NELL1: variants seen among roughly 807,000 people sequenced by gnomAD.
NELL1 encodes protein kinase C-binding protein NELL1.
NELL1 carries 76 observed loss-of-function variants against 107.4 expected under a neutral mutation model. That is an observed-to-expected ratio of 0.71 (90% CI 0.59 to 0.86). The LOEUF (loss-of-function observed/expected upper bound fraction) is 0.86. Ranked by LOEUF, NELL1 falls within the 40% of genes least tolerant of loss-of-function variation. The probability of loss-of-function intolerance (pLI) is 0.00; values close to 1 mark genes in which losing one functional copy is unlikely to be tolerated. For missense variants in NELL1, 1,024 were observed against 1,005.5 expected, an observed-to-expected ratio of 1.02 and a Z score of -0.25; for synonymous variants, 353 against 341.2, an observed-to-expected ratio of 1.03 and a Z score of -0.38.
intron 15 of NELL1, among the ~76,000 whole-genome samples, chr11:21,379,245 T>C (rs975556000): frequency 1.3e-5 from 2 of 152,058 alleles, no homozygotes; most frequent in Non-Finnish European, 1.5e-5. Context: ...GACTGAGAAC[T>C]GGACACAACT....
chr11:20,800,871 T>G (rs1207428077), intron 3 of NELL1, among the ~76,000 whole-genome samples: 1 of 152,228 alleles, frequency 6.6e-6, no homozygotes, highest in East Asian at 1.9e-4. Flanking sequence ...AGTGACTAAA[T>G]GTTGAAACTG....
At chr11:20,789,966 G>A (rs1171553775) in intron 3 of NELL1, among the ~76,000 whole-genome samples, 1 of 152,218 alleles carries the variant, frequency 6.6e-6, no homozygotes, top group Non-Finnish European at 1.5e-5. Flanking sequence ...CCTCTCTGCA[G>A]CTGGTCCTTC....
chr11:20,948,204 C>G (rs993897751), intron 11 of NELL1, among the ~76,000 whole-genome samples: 6 of 151,806 alleles, frequency 4.0e-5, no homozygotes. Flanking sequence ...ACCATCACAC[C>G]CAACTAATTT....
intron 5 of NELL1, among the ~76,000 whole-genome samples, chr11:20,890,200 G>T (rs540175030): frequency 6.6e-6 from 1 of 152,074 alleles, no homozygotes; most frequent in African/African-American, 2.4e-5. Context: ...TCCAGGCATG[G>T]GAGTGAAGCA....
intron 2 of NELL1, among the ~76,000 whole-genome samples, chr11:20,768,708 A>C (rs1455280305): frequency 6.6e-6 from 1 of 152,162 alleles, no homozygotes; most frequent in African/African-American, 2.4e-5. Context: ...AAGCAGAGAG[A>C]GATCATAAGA....
At chr11:20,947,708 T>C (rs1224568079) in intron 11 of NELL1, among the ~76,000 whole-genome samples, 7 of 152,198 alleles carry the variant, frequency 4.6e-5, no homozygotes, top group Non-Finnish European at 1.0e-4. Flanking sequence ...TGACAAATGT[T>C]CAATAAATGA....
At chr11:21,329,289 C>A (rs1342655874) in intron 14 of NELL1, among the ~76,000 whole-genome samples, 1 of 151,830 alleles carries the variant, frequency 6.6e-6, no homozygotes, top group East Asian at 1.9e-4. Context: ...GGGCTTTTCC[C>A]CCTTTTGCTC....
In NELL1 at chr11:21,041,282, G is replaced by A. The variant is rs576928204; in HGVS notation, c.1301-72307G>A. On this transcript the variant is annotated intron_variant, in intron 12 of 19. Transcript: ENST00000357134. Reference sequence around the variant, plus strand: ...TCAATAAGGTAATGCCTTACCTTGCGTAGTCGCTTTGAGTTAACACAACAT... The same window carrying A: ...TCAATAAGGTAATGCCTTACCTTGCATAGTCGCTTTGAGTTAACACAACAT... 9.2e-5 allele frequency among the ~76,000 whole-genome samples: 14 copies of A among 152,208 alleles called. No homozygotes were observed. The South Asian group carries it at 2.5e-3, about 27-fold the overall frequency.
chr11:21,128,904 C>T (rs1233396037), intron 13 of NELL1, among the ~76,000 whole-genome samples: 1 of 152,174 alleles, frequency 6.6e-6, no homozygotes. Flanking sequence ...AGGAGGGATA[C>T]CAGAGACTAG....
chr11:21,456,034 G>A (rs1311222528), intron 15 of NELL1, among the ~76,000 whole-genome samples: 3 of 151,762 alleles, frequency 2.0e-5, no homozygotes, highest in Admixed American at 2.0e-4. Flanking sequence ...TGGGACTACA[G>A]GCACGTGCCA....
At position 21,405,701 on chromosome 11, in the gene NELL1, A is replaced by C. The variant is rs553428151; in HGVS notation, c.1645+34753A>C. ...AAACTCTAGCTCCACATGCTGCTTT[A>C]AAATTGATTTCTCAATGTGTTGAAA... On this transcript the variant is annotated intron_variant, in intron 15 of 19. Transcript: ENST00000357134. Among the ~76,000 whole-genome samples, 95 of 152,150 alleles carry C rather than the reference A, an allele frequency of 6.2e-4. 2 individuals carry two copies. The South Asian group carries it at 0.019, about 30-fold the overall frequency.
chr11:20,700,820 C>T (rs1265902488), intron 2 of NELL1, among the ~76,000 whole-genome samples: 1 of 149,332 alleles, frequency 6.7e-6, no homozygotes, highest in Admixed American at 7.0e-5. Context: ...CATCCATGTC[C>T]CTACAAAGGA....
chr11:21,367,659 T>A (rs888578811), intron 14 of NELL1, among the ~76,000 whole-genome samples: 3 of 152,240 alleles, frequency 2.0e-5, no homozygotes, highest in African/African-American at 7.2e-5. Context: ...CTGTGCCTTA[T>A]GCTGTGTGGG....
intron 5 of NELL1, among the ~76,000 whole-genome samples, chr11:20,889,985 C>G (rs10833407): frequency 2.0e-5 from 3 of 151,942 alleles, no homozygotes; most frequent in Non-Finnish European, 4.4e-5. Context: ...GCAAAGCACA[C>G]CCGCTCCACC....
chr11:20,725,863 G>C (rs1276666572), intron 2 of NELL1, among the ~76,000 whole-genome samples: 3 of 152,136 alleles, frequency 2.0e-5, no homozygotes, highest in African/African-American at 7.2e-5. Flanking sequence ...CAAGTAGTGA[G>C]CATAGTACCC....
intron 13 of NELL1, among the ~76,000 whole-genome samples, chr11:21,197,543 T>A (rs114162470): frequency 3.9e-5 from 6 of 152,094 alleles, no homozygotes; most frequent in Admixed American, 1.3e-4. Context: ...CTTTTGACAG[T>A]GCTATCAACA....
chr11:21,296,135 A>G (rs1849370662), intron 14 of NELL1, among the ~76,000 whole-genome samples: 1 of 152,166 alleles, frequency 6.6e-6, no homozygotes, highest in Non-Finnish European at 1.5e-5. Flanking sequence ...TCCCTCATAA[A>G]AAGGAAATGC....
intron 12 of NELL1, among the ~76,000 whole-genome samples, chr11:21,024,531 A>G (rs1370238899): frequency 6.6e-6 from 1 of 152,074 alleles, no homozygotes; most frequent in Non-Finnish European, 1.5e-5. Flanking sequence ...AGTAATATCT[A>G]TCTTAAAGGA....
At chr11:21,113,804 T>C (rs1365802101) in intron 13 of NELL1, 90 bp downstream of exon 13, 1 of 1,333,182 alleles carries the variant, frequency 7.5e-7, no homozygotes, top group Non-Finnish European at 1.0e-6. Flanking sequence ...GTGCACAAAG[T>C]ACTATTTTTA....
Sources: allele counts gnomAD v4.1 joint callset (sites outside exome capture counted in the v4.1 genomes callset), GRCh38; gene constraint gnomAD v4.1.1; transcripts MANE v1.5; gene names NCBI Gene and HGNC (gene_info 2026-07-23, HGNC 2026-07-21).